CASTOR2: variants seen among roughly 807,000 people sequenced by gnomAD.
CASTOR2 encodes the protein cytosolic arginine sensor for mTORC1 subunit 2.
CASTOR2 carries 8 observed loss-of-function variants against 31.2 expected under a neutral mutation model. The ratio of observed to expected loss-of-function variants is 0.26; its 90% CI spans 0.15 to 0.46. The LOEUF is 0.46. Among genes scored for constraint, CASTOR2 ranks in the 20% least tolerant of loss-of-function variants. The probability of loss-of-function intolerance (pLI) is 0.99; values close to 1 mark genes in which losing one functional copy is unlikely to be tolerated. For missense variants in CASTOR2, 216 were observed against 382.1 expected (o/e 0.57, Z 3.62); for synonymous variants, 162 against 158.7 (o/e 1.02, Z -0.16).
intron 1 of CASTOR2, among the ~76,000 whole-genome samples, chr7:74,995,821 A>T (rs1464285432): frequency 2.0e-5 from 3 of 151,582 alleles, no homozygotes; most frequent in Admixed American, 6.6e-5. Flanking sequence ...AAAAAAAAAA[A>T]AAAATTAGCC....
chr7:74,989,416 C>T (rs1804151544), intron 1 of CASTOR2, among the ~76,000 whole-genome samples: 1 of 151,002 alleles, frequency 6.6e-6, no homozygotes, highest in Non-Finnish European at 1.5e-5. Context: ...GCCACCATGC[C>T]TGGGTAATTT....
intron 2 of CASTOR2, among the ~76,000 whole-genome samples, chr7:75,009,469 C>G (rs1431975903): frequency 6.6e-6 from 1 of 151,560 alleles, no homozygotes; most frequent in South Asian, 2.1e-4. Flanking sequence ...GGGGTTTCAC[C>G]GTGTTAACCA....
chr7:75,003,902 G>A (rs1416518909), intron 1 of CASTOR2, among the ~76,000 whole-genome samples: 1 of 152,092 alleles, frequency 6.6e-6, no homozygotes, highest in African/African-American at 2.4e-5. Flanking sequence ...TGCACATTCC[G>A]AGATGTCCCC....
intron 1 of CASTOR2, among the ~76,000 whole-genome samples, chr7:74,991,278 G>A (rs1554437323): frequency 6.6e-6 from 1 of 152,082 alleles, no homozygotes; most frequent in Non-Finnish European, 1.5e-5. Flanking sequence ...CGTGATCCCT[G>A]GAGGGACTGC....
In CASTOR2 at chr7:74,975,291, T is replaced by G. The variant is rs1198590798; in HGVS notation, c.113+10193T>G. 4.0e-5 allele frequency among the ~76,000 whole-genome samples: 6 copies of G among 151,138 alleles called. No individual in the cohort carries two copies. The South Asian group carries it at 1.1e-3, about 26-fold the overall frequency. ...CAACTGTGGTAGTTTTTAGATTTTT[T>G]GTACAGAGGGGGTCTCACTCTGTTG... On this transcript the variant is annotated intron_variant, in intron 1 of 8. Coordinates refer to ENST00000616305, the MANE Select transcript of CASTOR2 (RefSeq NM_001145064.3).
intron 1 of CASTOR2, among the ~76,000 whole-genome samples, chr7:75,004,095 C>T (rs1253638114): frequency 6.6e-6 from 1 of 152,174 alleles, no homozygotes; most frequent in African/African-American, 2.4e-5. Context: ...CTCCCCGGGG[C>T]TCTCGGGCAG....
In CASTOR2 at chr7:75,026,399, C is replaced by T. The variant is rs1417246177; in HGVS notation, c.*1700C>T. Among the ~76,000 whole-genome samples the T allele has an allele frequency of 2.6e-5, 4 of 151,948 alleles. No homozygotes were observed. Among genetic ancestry groups the T allele is most frequent in the African/African-American group, 9.6e-5 (4 of 41,458 alleles). ...AGAGACGGGATTTCGTAACATTGCT[C>T]AGGCTGGTCTTGAACTCCTGAGTTA... On this transcript the variant is annotated 3_prime_UTR_variant, in exon 9 of 9. Transcript: ENST00000616305.
In CASTOR2 at chr7:74,965,859, C is replaced by CACACACAT. The variant is rs1201889793; in HGVS notation, c.113+768_113+769insTACACACA. On this transcript the variant is annotated intron_variant, in intron 1 of 8. Transcript: ENST00000616305. ...AAGGTAAAAGAGGGAATCACACACA[C>CACACACAT]ACACACACACACACACACACACACT... is the stretch of plus-strand genomic sequence containing the variant. 1.0e-3 allele frequency among the ~76,000 whole-genome samples: 17 copies of CACACACAT among 16,728 alleles called. 3 individuals are homozygous for CACACACAT. The South Asian group carries it at 0.022, about 22-fold the overall frequency. The allele number at this position is 16,728 out of a possible 152,430, so 11.0% of individuals were successfully genotyped here.
intron 1 of CASTOR2, among the ~76,000 whole-genome samples, chr7:74,991,339 C>G (rs1352741091): frequency 6.6e-6 from 1 of 152,246 alleles, no homozygotes; most frequent in African/African-American, 2.4e-5. Flanking sequence ...AAACTGAAGC[C>G]GGGACAAGGA....
intron 7 of CASTOR2, among the ~76,000 whole-genome samples, chr7:75,023,794 C>T (rs1335591161): frequency 6.6e-6 from 1 of 152,178 alleles, no homozygotes; most frequent in Non-Finnish European, 1.5e-5. Context: ...GTCACGAGAA[C>T]AGTACCAAGA....
chr7:74,977,761 C>T (rs1185297528), intron 1 of CASTOR2, among the ~76,000 whole-genome samples: 1 of 150,414 alleles, frequency 6.6e-6, no homozygotes, highest in South Asian at 2.1e-4. Flanking sequence ...ACTCCAGCCT[C>T]GATTTCTCAG....
At chr7:74,992,629 G>A (rs62476588) in intron 1 of CASTOR2, among the ~76,000 whole-genome samples, 4 of 152,062 alleles carry the variant, frequency 2.6e-5, no homozygotes, top group East Asian at 3.9e-4. Flanking sequence ...TAGTAGAGAC[G>A]GGGTTTCACC....
At position 75,030,237 on chromosome 7, in the gene CASTOR2, G is replaced by A. The variant is rs896433923; in HGVS notation, c.*5538G>A. ...CACGTTTGTGCATGTACCTGTGAGC[G>A]TGGATGTGTTCCTATGCATTAGAGT... On this transcript the variant is annotated 3_prime_UTR_variant, in exon 9 of 9. Coordinates refer to ENST00000616305, the MANE Select transcript of CASTOR2 (RefSeq NM_001145064.3). Among the ~76,000 whole-genome samples, 3,745 of 152,342 alleles carry A rather than the reference G, an allele frequency of 0.025. 80 individuals are homozygous for A. The highest frequency in any genetic ancestry group is 0.046 in the African/African-American group (1,930 of 41,580).
rs1436830423 is a variant in CASTOR2 at position 75,006,061 on chromosome 7, C to T, written c.114-1933C>T. On this transcript the variant is annotated intron_variant, in intron 1 of 8. Coordinates refer to ENST00000616305, the MANE Select transcript of CASTOR2 (RefSeq NM_001145064.3). ...AGGAAAATCACTTGAACCTGGGAGGCGGAGGTTGCAGTGAGCTGAGATCAT... is the reference window on the plus strand; with the variant it reads ...AGGAAAATCACTTGAACCTGGGAGGTGGAGGTTGCAGTGAGCTGAGATCAT... Among the ~76,000 whole-genome samples, 247 of 152,240 alleles carry T rather than the reference C, an allele frequency of 1.6e-3. 2 individuals are homozygous for T. Among genetic ancestry groups the T allele is most frequent in the Non-Finnish European group, 5.0e-4 (34 of 68,026 alleles).
At chr7:74,992,687 C>T (rs2131932246) in intron 1 of CASTOR2, among the ~76,000 whole-genome samples, 2 of 152,296 alleles carry the variant, frequency 1.3e-5, no homozygotes, top group South Asian at 4.1e-4. Flanking sequence ...ATCTGCCCAC[C>T]TCAGCCTCCC....
intron 2 of CASTOR2, among the ~76,000 whole-genome samples, chr7:75,009,820 A>T (rs1804696722): frequency 6.6e-6 from 1 of 151,140 alleles, no homozygotes; most frequent in Non-Finnish European, 1.5e-5. Flanking sequence ...CTGCACACAC[A>T]TGCGCTTCTC....
intron 1 of CASTOR2, among the ~76,000 whole-genome samples, chr7:74,996,418 G>A (rs1804348247): frequency 2.6e-5 from 4 of 152,100 alleles, no homozygotes; most frequent in African/African-American, 9.7e-5. Context: ...TAATAGCAAG[G>A]CCTCCAGAGA....
Position 74,982,403 on chromosome 7 carries a change from G to T in CASTOR2, c.113+17305G>T, listed in dbSNP as rs1347736344. On this transcript the variant is annotated intron_variant, in intron 1 of 8. Coordinates refer to ENST00000616305, the MANE Select transcript of CASTOR2 (RefSeq NM_001145064.3). ...CCACCCAGGGCTTGGCCCCAGGCGA[G>T]TGCATCTGTAAGGGCAGATCTCGCG... Among the ~76,000 whole-genome samples the T allele has an allele frequency of 1.2e-4, 18 of 151,962 alleles. No individual in the cohort carries two copies. In the East Asian group the frequency reaches 3.3e-3, roughly 28 times the overall value.
chr7:74,991,276 C>T (rs1554437321), intron 1 of CASTOR2, among the ~76,000 whole-genome samples: 197 of 152,162 alleles, frequency 1.3e-3, no homozygotes, highest in African/African-American at 4.4e-3. Flanking sequence ...ACCGTGATCC[C>T]TGGAGGGACT....
Sources: gnomAD v4.1 joint callset for allele counts (sites outside exome capture counted in the v4.1 genomes callset) on GRCh38, gnomAD v4.1.1 for gene constraint, MANE v1.5 for transcripts, NCBI Gene and HGNC (gene_info 2026-07-23, HGNC 2026-07-21) for gene names.